Variants in PUS10 observed in about 807,000 individuals in gnomAD.
PUS10 encodes the protein pseudouridine synthase 10.
A neutral mutation model predicts 75.0 loss-of-function variants in PUS10; 59 were observed. The observed-to-expected ratio is 0.79, with a 90% CI of 0.64 to 0.98. PUS10 has a LOEUF of 0.98. Among genes scored for constraint, PUS10 ranks in the 50% least tolerant of loss-of-function variants. The pLI, the probability that PUS10 is intolerant of heterozygous loss-of-function variation, is 0.00. For missense variants in PUS10, 650 were observed against 614.4 expected (o/e 1.06, Z -0.61); for synonymous variants, 219 against 211.6 (o/e 1.03, Z -0.30).
At chr2:60,994,893 AGCCTG>A (rs1383431878) in intron 4 of PUS10, among the ~76,000 whole-genome samples, 7 of 152,226 alleles carry the variant, frequency 4.6e-5, no homozygotes, top group African/African-American at 1.4e-4. Context: ...GTTTGAGACC[AGCCTG>A]GCCAACAAGG....
chr2:60,945,353 T>C (rs1674879057), intron 16 of PUS10, among the ~76,000 whole-genome samples: 1 of 152,216 alleles, frequency 6.6e-6, no homozygotes, highest in Non-Finnish European at 1.5e-5. Context: ...TCTTTTTTCT[T>C]TATAGCTCAT....
intron 4 of PUS10, among the ~76,000 whole-genome samples, chr2:60,988,890 C>T (rs1677894358): frequency 6.6e-6 from 1 of 151,796 alleles, no homozygotes; most frequent in Non-Finnish European, 1.5e-5. Context: ...GATCCACCTG[C>T]CTTGGCTTCT....
intron 3 of PUS10, among the ~76,000 whole-genome samples, chr2:61,008,483 C>T (rs982017136): frequency 6.6e-6 from 1 of 151,932 alleles, no homozygotes; most frequent in African/African-American, 2.4e-5. Context: ...AAGAGCAAAA[C>T]TCCATCTCAA....
At chr2:60,972,839 C>T (rs1429000308) in intron 4 of PUS10, among the ~76,000 whole-genome samples, 5 of 152,220 alleles carry the variant, frequency 3.3e-5, no homozygotes, top group Non-Finnish European at 5.9e-5. Context: ...CTGATGATCA[C>T]TTGGAAAGAT....
intron 5 of PUS10, among the ~76,000 whole-genome samples, chr2:60,968,874 C>T (rs189726263): frequency 2.1e-4 from 32 of 152,188 alleles, no homozygotes; most frequent in African/African-American, 7.5e-4. Flanking sequence ...ACTGTGTGAG[C>T]TTCATAAACT....
At chr2:60,970,950 C>T (rs1016910158) in intron 5 of PUS10, among the ~76,000 whole-genome samples, 1 of 151,960 alleles carries the variant, frequency 6.6e-6, no homozygotes, top group African/African-American at 2.4e-5. Flanking sequence ...GAGGCCGAGG[C>T]GGGTGAATCA....
intron 4 of PUS10, among the ~76,000 whole-genome samples, chr2:60,987,036 C>T (rs575355083): frequency 1.3e-5 from 2 of 152,272 alleles, no homozygotes; most frequent in African/African-American, 4.8e-5. Flanking sequence ...AATTAAGTTG[C>T]TTCTTAAAAT....
chr2:60,986,007 A>C (rs1265935566), intron 4 of PUS10, among the ~76,000 whole-genome samples: 1 of 152,024 alleles, frequency 6.6e-6, no homozygotes, highest in Non-Finnish European at 1.5e-5. Flanking sequence ...AAAATGCATT[A>C]AAAGTACCTA....
chr2:60,945,165 G>C, intron 16 of PUS10, 57 bp from the exon 17 acceptor site: 1 of 1,044,120 alleles, frequency 9.6e-7, no homozygotes, highest in Non-Finnish European at 1.5e-6. Context: ...TATTTGGTAA[G>C]ATTTGACAGG....
At chr2:60,979,368 G>A (rs1573452939) in intron 4 of PUS10, among the ~76,000 whole-genome samples, 2 of 152,084 alleles carry the variant, frequency 1.3e-5, no homozygotes, top group African/African-American at 2.4e-5. Flanking sequence ...GTGCCTCACC[G>A]TGTGTCAGGG....
chr2:61,014,232 G>A (rs965637917), intron 1 of PUS10, among the ~76,000 whole-genome samples: 1 of 152,042 alleles, frequency 6.6e-6, no homozygotes, highest in Non-Finnish European at 1.5e-5. Flanking sequence ...AAAACTATTA[G>A]CCAGGTGTGT....
At chr2:60,955,119 T>C (rs1211562049) in intron 11 of PUS10, 45 bp from the exon 12 acceptor site, 2 of 1,227,410 alleles carry the variant, frequency 1.6e-6, no homozygotes. Context: ...ACATCATAGC[T>C]CTAAGATATT....
chr2:60,983,524 C>CA (rs1677536459), intron 4 of PUS10, among the ~76,000 whole-genome samples: 1 of 151,640 alleles, frequency 6.6e-6, no homozygotes, highest in Non-Finnish European at 1.5e-5. Context: ...CTAAAAAATA[C>CA]AAAAAAATTA....
At chr2:60,961,194 C>T (rs1676006228) in intron 10 of PUS10, among the ~76,000 whole-genome samples, 1 of 152,156 alleles carries the variant, frequency 6.6e-6, no homozygotes, top group African/African-American at 2.4e-5. Flanking sequence ...ACCCATATTT[C>T]TACTTGGCCA....
intron 1 of PUS10, among the ~76,000 whole-genome samples, chr2:61,012,403 C>T (rs1035645259): frequency 6.6e-6 from 1 of 152,056 alleles, no homozygotes; most frequent in Non-Finnish European, 1.5e-5. Context: ...TTTTCTCTGA[C>T]CTTCTGCCCT....
Position 60,945,038 on chromosome 2 carries a change from T to C in PUS10, c.1522A>G (p.Thr508Ala), listed in dbSNP as rs1425221422. Residue 508 changes from threonine to alanine, a missense_variant, in exon 17 of 18, where the codon ACT (threonine) becomes GCT (alanine). Thr to Ala is a moderately conservative substitution (Grantham distance 58). Transcript: ENST00000316752. ...KPNIGSLMNV[T>A]ADILELDVES... ...ACATCCAGCTCCAGAATGTCTGCAG[T>C]CACATTCATCAGGGACCCAATGTTT... is the stretch of plus-strand genomic sequence containing the variant. 1.9e-6 allele frequency: 3 copies of C among 1,613,766 alleles called. No individual in the cohort carries two copies. Among genetic ancestry groups the C allele is most frequent in the Non-Finnish European group, 1.7e-6 (2 of 1,179,632 alleles).
At chr2:60,964,027 G>A (rs1676189075) in intron 8 of PUS10, among the ~76,000 whole-genome samples, 1 of 152,200 alleles carries the variant, frequency 6.6e-6, no homozygotes, top group African/African-American at 2.4e-5. Flanking sequence ...CCAAGATGTT[G>A]ATCTCTTTAG....
chr2:61,004,121 G>C (rs968914149), intron 4 of PUS10, among the ~76,000 whole-genome samples: 1 of 152,108 alleles, frequency 6.6e-6, no homozygotes, highest in Non-Finnish European at 1.5e-5. Context: ...TATTTACAAG[G>C]TCTAAGTTGA....
intron 10 of PUS10, 108 bp from the exon 11 acceptor site, chr2:60,960,625 A>G: frequency 1.0e-6 from 1 of 1,003,154 alleles, no homozygotes; most frequent in South Asian, 1.7e-5. Flanking sequence ...GCTACGATAT[A>G]AAACAAGGCC....
Sources: allele counts gnomAD v4.1 joint callset (sites outside exome capture counted in the v4.1 genomes callset), GRCh38; gene constraint gnomAD v4.1.1; transcripts MANE v1.5; gene names NCBI Gene and HGNC (gene_info 2026-07-23, HGNC 2026-07-21).